The following SPTA1 variants were observed in gnomAD, a reference collection of about 807,000 sequenced individuals.
SPTA1 encodes spectrin alpha chain, erythrocytic 1.
A neutral mutation model predicts 324.7 loss-of-function variants in SPTA1; 177 were observed. That is an observed-to-expected ratio of 0.55 (90% CI 0.48 to 0.62). SPTA1 has a LOEUF of 0.62. Ranked by LOEUF, SPTA1 falls within the 20% of genes least tolerant of loss-of-function variation. SPTA1 has a pLI of 0.00. For synonymous variants in SPTA1, 1,195 were observed against 1,041.3 expected (o/e 1.15, Z -2.84); for missense variants, 3,162 against 2,883.6 (o/e 1.10, Z -2.21).
chr1:158,671,491 A>T, intron 11 of SPTA1, 38 bp from the exon 12 acceptor site: 3 of 1,518,206 alleles, frequency 2.0e-6, no homozygotes, highest in Non-Finnish European at 1.8e-6. Flanking sequence ...GCTGTGTCTG[A>T]CCGGTAAGAA....
intron 16 of SPTA1, among the ~76,000 whole-genome samples, chr1:158,664,254 A>C (rs1653439757): frequency 6.6e-6 from 1 of 152,226 alleles, no homozygotes; most frequent in Non-Finnish European, 1.5e-5. Flanking sequence ...CAGTATTTAC[A>C]ATAGCAAAGA....
At chr1:158,635,623 T>G (rs1651010955) in intron 38 of SPTA1, among the ~76,000 whole-genome samples, 1 of 152,196 alleles carries the variant, frequency 6.6e-6, no homozygotes, top group Non-Finnish European at 1.5e-5. Context: ...AACAGATGTG[T>G]GGCTAATAAC....
chr1:158,675,111 C>G (rs1308956318), intron 8 of SPTA1, among the ~76,000 whole-genome samples: 1 of 152,108 alleles, frequency 6.6e-6, no homozygotes, highest in Non-Finnish European at 1.5e-5. Context: ...TAATAAGAAA[C>G]AAGAGCTGCA....
rs548999858 is a variant in SPTA1 at position 158,643,576 on chromosome 1, G to A, written c.4339-151C>T. On this transcript the variant is annotated intron_variant, in intron 30 of 51. Transcript: ENST00000643759. ...TAATATATGCCTTACAGGGAGGTGG[G>A]TTTCAACTTAATAGGAGGAGAAACA... is the stretch of plus-strand genomic sequence containing the variant. 105 of 792,486 alleles carry A rather than the reference G, an allele frequency of 1.3e-4. 1 individual carries two copies. In the South Asian group the frequency reaches 1.5e-3, roughly 11 times the overall value. 49.1% of individuals were successfully genotyped at this position (792,486 alleles called of 1,614,324 possible).
At chr1:158,635,560 G>A (rs769788617) in intron 38 of SPTA1, among the ~76,000 whole-genome samples, 6 of 152,052 alleles carry the variant, frequency 3.9e-5, no homozygotes, top group East Asian at 1.9e-4. Flanking sequence ...ATAATTCTTC[G>A]TCCTTACATT....
chr1:158,646,118 C>T (rs1346433819), intron 27 of SPTA1, among the ~76,000 whole-genome samples: 1 of 152,128 alleles, frequency 6.6e-6, no homozygotes, highest in Non-Finnish European at 1.5e-5. Flanking sequence ...GGCCAACATA[C>T]ACATACACAC....
chr1:158,683,143 T>C (rs1280812388), intron 3 of SPTA1, among the ~76,000 whole-genome samples: 9 of 152,128 alleles, frequency 5.9e-5, no homozygotes, highest in Non-Finnish European at 1.2e-4. Flanking sequence ...TGCACTGTTA[T>C]AGGAGGAATT....
At position 158,620,608 on chromosome 1, in the gene SPTA1, A is replaced by G. The variant is rs539911185; in HGVS notation, c.6121-142T>C. The G allele has an allele frequency of 2.6e-5, 25 of 977,026 alleles. No individual in the cohort carries two copies. The Admixed American group carries it at 3.2e-4, about 12-fold the overall frequency. The allele number at this position is 977,026 out of a possible 1,614,324, so 60.5% of individuals were successfully genotyped here. On this transcript the variant is annotated intron_variant, in intron 43 of 51. Transcript: ENST00000643759. The stretch of plus-strand genomic sequence containing the variant: ...AAGGGCAGAACTAAAACCAATAGGG[A>G]CTGTGTACTTTGATGGTTGAACATG...
chr1:158,659,672 G>A lies in SPTA1; in HGVS notation c.2587+1615C>T, dbSNP rs1163202667. Among the ~76,000 whole-genome samples the A allele has an allele frequency of 7.5e-5, 4 of 53,250 alleles. 1 individual carries two copies. Among genetic ancestry groups the A allele is most frequent in the Admixed American group, 4.3e-4 (2 of 4,604 alleles). 34.9% of individuals were successfully genotyped at this position (53,250 alleles called of 152,430 possible). ...AGGCCGGACTGCGGACTGCAGTGGC[G>A]CAATCTCGGCTCACTGCAAGCTCCG... On this transcript the variant is annotated intron_variant, in intron 18 of 51. Transcript: ENST00000643759.
chr1:158,663,066 C>G (rs1653354998), intron 16 of SPTA1, 121 bp from the exon 17 acceptor site: 2 of 1,379,014 alleles, frequency 1.5e-6, no homozygotes, highest in South Asian at 2.5e-5. Flanking sequence ...GTGTTCTGAT[C>G]TCTAATTAAA....
Position 158,680,569 on chromosome 1 carries a change from T to C in SPTA1, c.678+14A>G, listed in dbSNP as rs778948225. 2.5e-6 allele frequency: 4 copies of C among 1,613,696 alleles called. No individual in the cohort carries two copies. Among genetic ancestry groups the C allele is most frequent in the Non-Finnish European group, 3.4e-6 (4 of 1,179,786 alleles). On this transcript the variant is annotated intron_variant, in intron 5 of 51. Coordinates refer to ENST00000643759, the MANE Select transcript of SPTA1 (RefSeq NM_003126.4). ...AACCCTTTGCACGGAGTGAATATTT[T>C]GCTCCCACCTCACCTCGGCACACTC...
chr1:158,638,026 C>T lies in SPTA1; in HGVS notation c.5189+7G>A, dbSNP rs1651213592. ...TATCCACACATTTTTGAGCTGGTGG[C>T]ACATACTCTATCCAGGATTCCTCAT... On this transcript the variant is annotated splice_region_variant and intron_variant, in intron 36 of 51. Transcript: ENST00000643759. 1.2e-6 allele frequency: 2 copies of T among 1,613,196 alleles called. No homozygotes were observed. Among genetic ancestry groups the T allele is most frequent in the Admixed American group, 1.7e-5 (1 of 59,958 alleles).
At chr1:158,643,250 A>G in intron 31 of SPTA1, 72 bp downstream of exon 31, 4 of 1,540,014 alleles carry the variant, frequency 2.6e-6, no homozygotes, top group Non-Finnish European at 3.6e-6. Flanking sequence ...GTATTCCCCC[A>G]TCTCAATGCT....
chr1:158,681,316 C>T (rs1246292826), intron 4 of SPTA1, among the ~76,000 whole-genome samples: 1 of 152,036 alleles, frequency 6.6e-6, no homozygotes, highest in East Asian at 1.9e-4. Flanking sequence ...TTGCCTTTTT[C>T]ATATTCAGAT....
At chr1:158,622,837 G>T in intron 43 of SPTA1, 146 bp downstream of exon 43, 1 of 778,298 alleles carries the variant, frequency 1.3e-6, no homozygotes, top group Non-Finnish European at 2.1e-6. Flanking sequence ...TCTACTTTTT[G>T]CTCAGTAAGA....
At chr1:158,626,112 G>C (rs1401055857) in intron 42 of SPTA1, 34 bp downstream of exon 42, 1 of 1,585,472 alleles carries the variant, frequency 6.3e-7, no homozygotes, top group Non-Finnish European at 8.7e-7. Context: ...GTGTGAATCA[G>C]GTCTTGGGCT....
rs746703423 is a variant in SPTA1 at position 158,678,428 on chromosome 1, T to C, written c.785A>G (p.Asn262Ser). The C allele has an allele frequency of 1.9e-6, 3 of 1,613,754 alleles. No individual in the cohort carries two copies. The highest frequency in any genetic ancestry group is 1.7e-6 in the Non-Finnish European group (2 of 1,179,726). ...TTTGAATCGTTGTAAGTTTGCAGCA[T>C]TGGACAGAGCTTTCTGTCTCTGGAG... is the stretch of plus-strand genomic sequence containing the variant. ...LALQRQKALS[N>S]AANLQRFKRD... Residue 262 changes from asparagine to serine, a missense_variant, in exon 6 of 52, where the codon AAT (asparagine) becomes AGT (serine). Physicochemically the swap from Asn to Ser is conservative, Grantham distance 46. Transcript: ENST00000643759.
At position 158,619,271 on chromosome 1, in the gene SPTA1, C is replaced by A; in HGVS notation, c.6481G>T (p.Glu2161Ter). ...AAGGTACTGGCATTCTGTTCAAACT[C>A]CTGACACATCTCAAAGTTCTTGACC... is the stretch of plus-strand genomic sequence containing the variant. ...RQVKNFEMCQ[E>*]FEQNASTFLQ... The change falls in exon 45 of 52, where the codon GAG becomes TAG. Residue 2161 changes from glutamate (E) to a stop codon, truncating the protein, a stop_gained. Transcript: ENST00000643759. LOFTEE classifies it high-confidence loss of function. 1 of 1,614,148 alleles carries A rather than the reference C, an allele frequency of 6.2e-7. No homozygotes were observed. Among genetic ancestry groups the A allele is most frequent in the Non-Finnish European group, 8.5e-7 (1 of 1,180,008 alleles).
chr1:158,634,783 G>C (rs944900376), intron 38 of SPTA1, 108 bp from the exon 39 acceptor site: 6 of 1,339,048 alleles, frequency 4.5e-6, no homozygotes, highest in South Asian at 1.2e-5. Flanking sequence ...ATTCTCACAA[G>C]GCAGCCACAG....
Sources: gnomAD v4.1 joint callset for allele counts (sites outside exome capture counted in the v4.1 genomes callset) on GRCh38, gnomAD v4.1.1 for gene constraint, MANE v1.5 for transcripts, NCBI Gene and HGNC (gene_info 2026-07-23, HGNC 2026-07-21) for gene names.